CDK8: variants seen among roughly 807,000 people sequenced by gnomAD.
CDK8 encodes cyclin dependent kinase 8, also known as cyclin-dependent kinase 8.
In CDK8, 29 loss-of-function variants were observed where a neutral mutation model predicts 71.5. The ratio of observed to expected loss-of-function variants is 0.41; its 90% CI spans 0.30 to 0.55. CDK8 has a LOEUF of 0.55. Among genes scored for constraint, CDK8 ranks in the 20% least tolerant of loss-of-function variants. The pLI, the probability that CDK8 is intolerant of heterozygous loss-of-function variation, is 0.37. For missense variants in CDK8, 288 were observed against 572.6 expected (o/e 0.50, Z 5.07); for synonymous variants, 161 against 192.1 (o/e 0.84, Z 1.34).
At chr13:26,341,527 T>C (rs1233517208) in intron 2 of CDK8, among the ~76,000 whole-genome samples, 4 of 152,236 alleles carry the variant, frequency 2.6e-5, no homozygotes, top group African/African-American at 7.2e-5. Context: ...CTTATTTTTT[T>C]ACAGTGATTT....
Position 26,397,153 on chromosome 13 carries a change from G to A in CDK8, c.861G>A (p.Thr287=), listed in dbSNP as rs368316738. The change falls in exon 9 of 13, where the codon ACG becomes ACA. Residue 287 remains threonine, a splice_region_variant and synonymous_variant. Coordinates refer to ENST00000381527, the MANE Select transcript of CDK8 (RefSeq NM_001260.3). The stretch of plus-strand genomic sequence containing the variant: ...CTATTTCATAGTATTTCTCTTTCAG[G>A]TATACCAACTGCAGCCTTATCAAGT... ...STLMKDFRRN[T]YTNCSLIKYM... 1 of 1,559,564 alleles carries A rather than the reference G, an allele frequency of 6.4e-7. No homozygotes were observed. The highest frequency in any genetic ancestry group is 8.8e-7 in the Non-Finnish European group (1 of 1,132,858).
At position 26,402,905 on chromosome 13, in the gene CDK8, G is replaced by A. The variant is rs112727667; in HGVS notation, c.1270-1051G>A. On this transcript the variant is annotated intron_variant, in intron 12 of 12. Transcript: ENST00000381527. ...ATAGTATTTGTGACTATCATTTCAT[G>A]TGTCCACTCTTTTTAAAAATGTTAC... Among the ~76,000 whole-genome samples the A allele has an allele frequency of 8.4e-3, 1,286 of 152,278 alleles. 18 individuals carry two copies. Among genetic ancestry groups the A allele is most frequent in the African/African-American group, 0.028 (1,165 of 41,556 alleles).
intron 1 of CDK8, among the ~76,000 whole-genome samples, chr13:26,262,243 A>G (rs929975287): frequency 1.3e-5 from 2 of 152,212 alleles, no homozygotes; most frequent in Admixed American, 6.5e-5. Flanking sequence ...ACTTCAGTGT[A>G]TATGTGGTTA....
chr13:26,403,653 C>G (rs1192093527), intron 12 of CDK8, among the ~76,000 whole-genome samples: 1 of 151,942 alleles, frequency 6.6e-6, no homozygotes, highest in Non-Finnish European at 1.5e-5. Flanking sequence ...ACATCTCAAG[C>G]AAATTTACCA....
intron 6 of CDK8, 27 bp from the exon 7 acceptor site, chr13:26,393,339 TC>T: frequency 1.4e-6 from 2 of 1,386,276 alleles, no homozygotes; most frequent in East Asian, 2.4e-5. Flanking sequence ...TATTTTTCTT[TC>T]TTTTTTTTTT....
rs368809283 is a variant in CDK8 at position 26,285,902 on chromosome 13, TAAATAAAC to T, written c.128+31137_128+31144del. On this transcript the variant is annotated intron_variant, in intron 1 of 12. Transcript: ENST00000381527. ...ACCCCTTTACAACAGCTGCAATAAA[TAAATAAAC>T]AAACAAACAAATAAATAAAATACTT... Among the ~76,000 whole-genome samples, 604 of 151,932 alleles carry T rather than the reference TAAATAAAC, an allele frequency of 4.0e-3. 7 individuals are homozygous for T. The highest frequency in any genetic ancestry group is 0.014 in the African/African-American group (569 of 41,428).
chr13:26,378,487 C>T (rs1875061148), intron 4 of CDK8, among the ~76,000 whole-genome samples: 3 of 152,178 alleles, frequency 2.0e-5, no homozygotes. Flanking sequence ...GATAAGGGAA[C>T]CCATTGCTTC....
At chr13:26,314,514 A>C (rs1469725369) in intron 1 of CDK8, among the ~76,000 whole-genome samples, 1 of 152,230 alleles carries the variant, frequency 6.6e-6, no homozygotes, top group Non-Finnish European at 1.5e-5. Context: ...TAAATCACTT[A>C]AATTCAAACA....
intron 1 of CDK8, among the ~76,000 whole-genome samples, chr13:26,333,040 C>T (rs999728334): frequency 3.3e-5 from 5 of 152,178 alleles, no homozygotes; most frequent in South Asian, 4.1e-4. Flanking sequence ...CATAACACAC[C>T]GTTGATTCTG....
chr13:26,294,172 C>T (rs793112), intron 1 of CDK8, among the ~76,000 whole-genome samples: 125,849 of 151,236 alleles, frequency 0.83, 53,916 homozygotes, highest in East Asian at 0.99. Context: ...TGCTTGGTTG[C>T]CCAGGCTGGA....
intron 5 of CDK8, among the ~76,000 whole-genome samples, chr13:26,383,501 A>C (rs1421856607): frequency 1.3e-5 from 2 of 152,186 alleles, no homozygotes; most frequent in Admixed American, 6.5e-5. Context: ...AAGTTTATTT[A>C]ATCTGATTTT....
intron 1 of CDK8, among the ~76,000 whole-genome samples, chr13:26,258,138 T>G (rs1338746956): frequency 6.6e-6 from 1 of 152,182 alleles, no homozygotes; most frequent in African/African-American, 2.4e-5. Flanking sequence ...TTGAGGAAAC[T>G]GAGGCTTAGA....
chr13:26,354,000 T>C, intron 4 of CDK8, 120 bp downstream of exon 4: 1 of 806,122 alleles, frequency 1.2e-6, no homozygotes, highest in Admixed American at 2.5e-5. Flanking sequence ...GTAGTGAGAA[T>C]GCTACCTTCT....
intron 1 of CDK8, among the ~76,000 whole-genome samples, chr13:26,336,455 G>C (rs1417886609): frequency 6.6e-6 from 1 of 151,762 alleles, no homozygotes; most frequent in East Asian, 1.9e-4. Context: ...AGCTTGTCAG[G>C]GTCCACAGTA....
At chr13:26,345,142 G>A (rs1220916308) in intron 2 of CDK8, among the ~76,000 whole-genome samples, 5 of 152,110 alleles carry the variant, frequency 3.3e-5, no homozygotes, top group African/African-American at 1.2e-4. Flanking sequence ...TATATATGCT[G>A]TCTGTTATTG....
At chr13:26,323,494 A>G (rs1874887371) in intron 1 of CDK8, among the ~76,000 whole-genome samples, 1 of 152,050 alleles carries the variant, frequency 6.6e-6, no homozygotes, top group Admixed American at 6.5e-5. Flanking sequence ...TCCAAATACC[A>G]TCACATTGTG....
At chr13:26,304,263 C>CA (rs544732146) in intron 1 of CDK8, among the ~76,000 whole-genome samples, 9,974 of 136,434 alleles carry the variant, frequency 0.073, 1,067 homozygotes, top group African/African-American at 0.24. Flanking sequence ...GACTCTGTCT[C>CA]AAAAAAAAAA....
At chr13:26,308,209 G>A (rs1461407277) in intron 1 of CDK8, among the ~76,000 whole-genome samples, 1 of 152,232 alleles carries the variant, frequency 6.6e-6, no homozygotes, top group Admixed American at 6.5e-5. Context: ...AGTCACACGA[G>A]CCTTATATCC....
At chr13:26,332,659 C>A (rs1008477930) in intron 1 of CDK8, among the ~76,000 whole-genome samples, 7 of 152,044 alleles carry the variant, frequency 4.6e-5, no homozygotes, top group Non-Finnish European at 8.8e-5. Flanking sequence ...TCTTCCAGTT[C>A]TTGAAGGAAA....
Sources: allele counts gnomAD v4.1 joint callset (sites outside exome capture counted in the v4.1 genomes callset), GRCh38; gene constraint gnomAD v4.1.1; transcripts MANE v1.5; gene names NCBI Gene and HGNC (gene_info 2026-07-23, HGNC 2026-07-21).